Variants in CNBD1 observed in about 807,000 individuals in gnomAD.
CNBD1 encodes the protein cyclic nucleotide-binding domain-containing protein 1.
CNBD1 carries 71 observed loss-of-function variants against 54.4 expected under a neutral mutation model. The observed-to-expected ratio is 1.30, with a 90% CI of 1.08 to 1.59. The LOEUF is 1.59. Ranked by LOEUF, CNBD1 falls within the 40% of genes most tolerant of loss-of-function variation. CNBD1 has a pLI of 0.00. For synonymous variants in CNBD1, 182 were observed against 170.7 expected (o/e 1.07, Z -0.51); for missense variants, 659 against 518.0 (o/e 1.27, Z -2.64).
chr8:87,191,164 C>T (rs1419579391), intron 4 of CNBD1, among the ~76,000 whole-genome samples: 1 of 151,454 alleles, frequency 6.6e-6, no homozygotes, highest in African/African-American at 2.4e-5. Context: ...GTGTAGACTT[C>T]AGTCTATAGC....
intron 1 of CNBD1, among the ~76,000 whole-genome samples, chr8:86,880,856 C>T (rs888071882): frequency 6.6e-6 from 1 of 152,140 alleles, no homozygotes; most frequent in African/African-American, 2.4e-5. Context: ...CTCTGGGATG[C>T]AAGGTTGGTT....
intron 4 of CNBD1, among the ~76,000 whole-genome samples, chr8:87,114,271 A>G (rs892943496): frequency 6.6e-6 from 1 of 152,226 alleles, no homozygotes; most frequent in Non-Finnish European, 1.5e-5. Context: ...TGATTCAGTA[A>G]ATTACATTAG....
intron 8 of CNBD1, among the ~76,000 whole-genome samples, chr8:87,350,635 C>G (rs17632240): frequency 0.044 from 6,652 of 151,754 alleles, 189 homozygotes; most frequent in Non-Finnish European, 0.06. Context: ...AATAGGGATG[C>G]CTTCAAGTGA....
At chr8:87,399,030 A>C (rs1811455921) in intron 2 of CNBD1, among the ~76,000 whole-genome samples, 1 of 151,874 alleles carries the variant, frequency 6.6e-6, no homozygotes, top group Non-Finnish European at 1.5e-5. Flanking sequence ...ACCCCACGCA[A>C]CTCCTAGAGA....
intron 2 of CNBD1, among the ~76,000 whole-genome samples, chr8:87,393,553 C>A (rs528155290): frequency 1.3e-5 from 2 of 151,648 alleles, no homozygotes. Context: ...GGTTTCTTCC[C>A]CCAAAGACAT....
chr8:87,201,353 G>A (rs1436105979), intron 4 of CNBD1, among the ~76,000 whole-genome samples: 1 of 152,156 alleles, frequency 6.6e-6, no homozygotes, highest in Non-Finnish European at 1.5e-5. Context: ...CCACTTATAT[G>A]TAACATTATA....
chr8:86,957,324 C>A (rs907262543), intron 4 of CNBD1, among the ~76,000 whole-genome samples: 30 of 152,240 alleles, frequency 2.0e-4, no homozygotes, highest in Non-Finnish European at 4.3e-4. Context: ...GCTTTGGTAT[C>A]AGGATGATGC....
At chr8:87,006,952 T>A (rs969202823) in intron 4 of CNBD1, among the ~76,000 whole-genome samples, 1 of 152,258 alleles carries the variant, frequency 6.6e-6, no homozygotes, top group Non-Finnish European at 1.5e-5. Context: ...ATCCCAGGAC[T>A]TTGGGAGGCC....
At chr8:87,309,722 A>G (rs1397630404) in intron 8 of CNBD1, among the ~76,000 whole-genome samples, 2 of 152,132 alleles carry the variant, frequency 1.3e-5, no homozygotes, top group African/African-American at 4.8e-5. Context: ...TATATAATCA[A>G]TCATCTCCTG....
chr8:87,127,860 C>T (rs1257273247), intron 4 of CNBD1, among the ~76,000 whole-genome samples: 1 of 152,052 alleles, frequency 6.6e-6, no homozygotes, highest in Non-Finnish European at 1.5e-5. Flanking sequence ...CCTGGAAACC[C>T]ACAGCCCTAA....
intron 8 of CNBD1, among the ~76,000 whole-genome samples, chr8:87,303,549 G>A (rs1022586292): frequency 1.3e-5 from 2 of 152,056 alleles, no homozygotes; most frequent in Non-Finnish European, 2.9e-5. Context: ...AGAAAACCTA[G>A]GCAATACCAT....
intron 4 of CNBD1, among the ~76,000 whole-genome samples, chr8:86,962,985 T>C (rs1440495428): frequency 2.0e-5 from 3 of 152,096 alleles, no homozygotes; most frequent in Non-Finnish European, 2.9e-5. Flanking sequence ...TGATTTAGGA[T>C]ACACTTGAGG....
intron 8 of CNBD1, among the ~76,000 whole-genome samples, chr8:87,299,987 A>G (rs1808952297): frequency 6.6e-6 from 1 of 152,180 alleles, no homozygotes; most frequent in African/African-American, 2.4e-5. Flanking sequence ...AGAAATATGG[A>G]GAAAAAAATG....
At chr8:87,141,670 G>C (rs955885073) in intron 4 of CNBD1, among the ~76,000 whole-genome samples, 5 of 151,928 alleles carry the variant, frequency 3.3e-5, no homozygotes, top group African/African-American at 1.2e-4. Context: ...AGATATAAAA[G>C]ATTTGTAATA....
chr8:87,417,694 A>G (rs370627144), intron 2 of CNBD1, among the ~76,000 whole-genome samples: 1 of 151,984 alleles, frequency 6.6e-6, no homozygotes, highest in Non-Finnish European at 1.5e-5. Flanking sequence ...TCTATACACT[A>G]GCAAAGAACA....
intron 4 of CNBD1, among the ~76,000 whole-genome samples, chr8:87,029,797 A>G (rs1809741771): frequency 6.6e-6 from 1 of 152,142 alleles, no homozygotes; most frequent in Non-Finnish European, 1.5e-5. Flanking sequence ...TTTGTTAATT[A>G]GATTTTTGGT....
chr8:87,042,848 A>G (rs1810102214), intron 4 of CNBD1, among the ~76,000 whole-genome samples: 1 of 152,084 alleles, frequency 6.6e-6, no homozygotes, highest in South Asian at 2.1e-4. Flanking sequence ...AATTCCTCTA[A>G]ATTGTATAGA....
intron 4 of CNBD1, among the ~76,000 whole-genome samples, chr8:87,087,027 T>G (rs935411069): frequency 6.6e-6 from 1 of 151,916 alleles, no homozygotes; most frequent in Non-Finnish European, 1.5e-5. Flanking sequence ...TCCAGTGATA[T>G]TCCTCTGAAC....
chr8:87,426,666 C>A (rs374952293), intron 2 of CNBD1, among the ~76,000 whole-genome samples: 1 of 152,104 alleles, frequency 6.6e-6, no homozygotes, highest in South Asian at 2.1e-4. Flanking sequence ...AATTGTGGCG[C>A]GGCTACCTAT....
Sources: allele counts gnomAD v4.1 joint callset (sites outside exome capture counted in the v4.1 genomes callset), GRCh38; gene constraint gnomAD v4.1.1; transcripts MANE v1.5; gene names NCBI Gene and HGNC (gene_info 2026-07-23, HGNC 2026-07-21).